The following EMC7 variants were observed in gnomAD, a reference collection of about 807,000 sequenced individuals.
The protein encoded by EMC7 is ER membrane protein complex subunit 7.
EMC7 carries 4 observed loss-of-function variants against 24.4 expected under a neutral mutation model. That is an observed-to-expected ratio of 0.16 (90% confidence interval 0.08 to 0.38). EMC7 has a LOEUF of 0.38. EMC7 is among the 10% of genes least tolerant of loss of function. The pLI is 1.00. For synonymous variants in EMC7, 106 were observed against 112.0 expected, an observed-to-expected ratio of 0.95 and a Z score of 0.34; for missense variants, 221 against 300.6, an observed-to-expected ratio of 0.74 and a Z score of 1.96.
chr15:34,089,204 A>C (rs775070082), intron 3 of EMC7, among the ~76,000 whole-genome samples: 2 of 152,190 alleles, frequency 1.3e-5, no homozygotes, highest in African/African-American at 4.8e-5. Flanking sequence ...AAACAGCAAA[A>C]GAAAAGGTCG....
At chr15:34,087,192 T>C (rs1490645519) in intron 4 of EMC7, among the ~76,000 whole-genome samples, 6 of 152,184 alleles carry the variant, frequency 3.9e-5, no homozygotes, top group East Asian at 1.9e-4. Flanking sequence ...ACCCTAGAAA[T>C]TGATAAATGT....
chr15:34,088,275 A>G (rs921651555), intron 3 of EMC7, 142 bp from the exon 4 acceptor site: 1 of 680,220 alleles, frequency 1.5e-6, no homozygotes, highest in Non-Finnish European at 2.5e-6. Context: ...CCGCAATTCT[A>G]CTGAGCCAGT....
intron 1 of EMC7, among the ~76,000 whole-genome samples, chr15:34,099,117 A>G (rs1404281531): frequency 6.6e-6 from 1 of 151,132 alleles, no homozygotes; most frequent in Non-Finnish European, 1.5e-5. Context: ...GTTTTTGTTT[A>G]AGTCCTTATT....
intron 3 of EMC7, among the ~76,000 whole-genome samples, chr15:34,089,946 A>C (rs543209778): frequency 6.6e-6 from 1 of 152,322 alleles, no homozygotes; most frequent in African/African-American, 2.4e-5. Context: ...ACAAGAGCGA[A>C]ACCCCGTCTA....
In EMC7 at chr15:34,096,236, T is replaced by C. The variant is rs150492186; in HGVS notation, c.237-222A>G. Among the ~76,000 whole-genome samples the C allele has an allele frequency of 2.7e-3, 406 of 152,350 alleles. 5 individuals carry two copies. Among genetic ancestry groups the C allele is most frequent in the African/African-American group, 9.4e-3 (389 of 41,586 alleles). ...CTCAGGGTGGAGTGCAATGGCACGA[T>C]CTCAGCTCGCTGCAACTTCCGCCTC... On this transcript the variant is annotated intron_variant, in intron 1 of 4. Transcript: ENST00000256545.
At chr15:34,097,039 C>CTTCTTTTTTTTT (rs1555523492) in intron 1 of EMC7, among the ~76,000 whole-genome samples, 6 of 97,622 alleles carry the variant, frequency 6.1e-5, no homozygotes, top group Admixed American at 2.8e-4. Flanking sequence ...TGTTCTTCTT[C>CTTCTTTTTTTTT]TTTTTTTTTT....
At chr15:34,101,522 C>T (rs995571539) in intron 1 of EMC7, 82 bp downstream of exon 1, 1 of 1,439,382 alleles carries the variant, frequency 6.9e-7, no homozygotes, top group South Asian at 1.2e-5. Flanking sequence ...GACGTTGTCC[C>T]GTCCTGACAC....
chr15:34,101,511 C>A, intron 1 of EMC7, 93 bp downstream of exon 1: 1 of 1,350,408 alleles, frequency 7.4e-7, no homozygotes, highest in South Asian at 1.3e-5. Flanking sequence ...TCTGAGACAG[C>A]GACGTTGTCC....
chr15:34,096,146 G>C (rs1901061986), intron 1 of EMC7, 132 bp from the exon 2 acceptor site: 8 of 1,050,366 alleles, frequency 7.6e-6, no homozygotes, highest in Non-Finnish European at 1.0e-5. Flanking sequence ...CAAAACCTTG[G>C]CGAAAGTTGT....
At position 34,084,386 on chromosome 15, in the gene EMC7, G is replaced by A. The variant is rs183304201; in HGVS notation, c.677C>T (p.Ser226Phe). ...RLFSSKSSGK[S>F]SSGSSKTGKS... ...GCCTGTTTTACTGCTGCCGCTGCTAGATTTGCCAGATGATTTTGAAGAGAA... is the reference window on the plus strand; with the variant it reads ...GCCTGTTTTACTGCTGCCGCTGCTAAATTTGCCAGATGATTTTGAAGAGAA... The change falls in exon 5 of 5, where the codon TCT becomes TTT. Residue 226 changes from serine to phenylalanine, a missense_variant. By Grantham distance (155) the Ser-to-Phe change is radical. Around this residue, in one of 2 missense-constraint regions of EMC7, gnomAD observed 65 missense variants for 123.4 expected, o/e 0.53. Transcript: ENST00000256545. The A allele has an allele frequency of 9.3e-6, 15 of 1,613,758 alleles. No homozygotes were observed. The South Asian group carries it at 1.3e-4, about 14-fold the overall frequency.
chr15:34,093,806 C>CACACACACACACATATATATATAT (rs61440619), intron 2 of EMC7, among the ~76,000 whole-genome samples: 13 of 30,238 alleles, frequency 4.3e-4, no homozygotes, highest in Non-Finnish European at 7.8e-4. Context: ...CACACACACA[C>CACACACACACACATATATATATAT]ATATATATAT....
intron 1 of EMC7, among the ~76,000 whole-genome samples, chr15:34,098,355 C>T (rs1901114091): frequency 6.6e-6 from 1 of 152,146 alleles, no homozygotes; most frequent in African/African-American, 2.4e-5. Flanking sequence ...AACACCATGA[C>T]TACACTGTTT....
chr15:34,096,975 C>T (rs1289198946), intron 1 of EMC7, among the ~76,000 whole-genome samples: 1 of 121,752 alleles, frequency 8.2e-6, no homozygotes, highest in East Asian at 2.4e-4. Context: ...CCATCTCCAA[C>T]AAAAAAAAAA....
At chr15:34,097,196 G>A (rs1251477903) in intron 1 of EMC7, among the ~76,000 whole-genome samples, 4 of 151,918 alleles carry the variant, frequency 2.6e-5, no homozygotes, top group East Asian at 2.0e-4. Flanking sequence ...ATCACGCCCG[G>A]TTAATTTTTT....
chr15:34,098,635 T>A (rs1329696286), intron 1 of EMC7, among the ~76,000 whole-genome samples: 1 of 150,140 alleles, frequency 6.7e-6, no homozygotes. Context: ...TTTTTTTTTT[T>A]TTTTTGTATT....
chr15:34,095,065 C>T lies in EMC7; in HGVS notation c.356+830G>A, dbSNP rs79967121. ...TCTACAAGTCAGTCTAAATATGCTG[C>T]GCAGACACCAAAAAGATCAGTAGTA... On this transcript the variant is annotated intron_variant, in intron 2 of 4. Coordinates refer to ENST00000256545, the MANE Select transcript of EMC7 (RefSeq NM_020154.3). Among the ~76,000 whole-genome samples the T allele has an allele frequency of 2.1e-3, 327 of 152,264 alleles. 2 individuals carry two copies. The highest frequency in any genetic ancestry group is 0.019 in the East Asian group (97 of 5,186).
At position 34,086,791 on chromosome 15, in the gene EMC7, G is replaced by A. The variant is rs369091476; in HGVS notation, c.576+1262C>T. The stretch of plus-strand genomic sequence containing the variant: ...CCTTCTACTGATGCCACAGTTAATT[G>A]GCTTAACATATACAAGGAATGCACA... On this transcript the variant is annotated intron_variant, in intron 4 of 4. Coordinates refer to ENST00000256545, the MANE Select transcript of EMC7 (RefSeq NM_020154.3). Among the ~76,000 whole-genome samples, 22 of 152,328 alleles carry A rather than the reference G, an allele frequency of 1.4e-4. No individual in the cohort carries two copies. The South Asian group carries it at 4.1e-3, about 29-fold the overall frequency.
At chr15:34,097,968 CAAAAAAAA>C (rs34286000) in intron 1 of EMC7, among the ~76,000 whole-genome samples, 2 of 125,702 alleles carry the variant, frequency 1.6e-5, no homozygotes, top group Non-Finnish European at 3.2e-5. Context: ...GACTCCGTCT[CAAAAAAAA>C]AAAAAAAAGT....
Position 34,084,455 on chromosome 15 carries a change from G to A in EMC7, c.608C>T (p.Ser203Phe). The change falls in exon 5 of 5, where the codon TCC (serine) becomes TTC (phenylalanine). Residue 203 changes from serine (S) to phenylalanine (F), a missense_variant. Coordinates refer to ENST00000256545, the MANE Select transcript of EMC7 (RefSeq NM_020154.3). ...EMEQSMNMLN[S>F]NHELPDVSEF... is the part of the protein sequence containing the mutation. The stretch of plus-strand genomic sequence containing the variant: ...AGAAACATCAGGCAACTCATGGTTG[G>A]AATTCAGCATATTCATTGACTGCTC... 1 of 1,613,642 alleles carries A rather than the reference G, an allele frequency of 6.2e-7. No homozygotes were observed. Among genetic ancestry groups the A allele is most frequent in the African/African-American group, 1.3e-5 (1 of 75,020 alleles).
Sources: allele counts gnomAD v4.1 joint callset (sites outside exome capture counted in the v4.1 genomes callset), GRCh38; gene constraint gnomAD v4.1.1; regional missense constraint gnomAD v4.1.1; transcripts MANE v1.5; gene names NCBI Gene and HGNC (gene_info 2026-07-23, HGNC 2026-07-21).